The following TLN2 variants were observed in gnomAD, a reference collection of about 807,000 sequenced individuals.
The protein encoded by TLN2 is talin 2, also known as talin-2.
In TLN2, 118 loss-of-function variants were observed where a neutral mutation model predicts 294.7. That is an observed-to-expected ratio of 0.40 (90% CI 0.34 to 0.47). TLN2 has a LOEUF of 0.47. Ranked by LOEUF, TLN2 falls within the 20% of genes least tolerant of loss-of-function variation. The pLI is 0.84. For synonymous variants in TLN2, 1,431 were observed against 1,304.5 expected (o/e 1.10, Z -2.09); for missense variants, 3,083 against 3,282.2 (o/e 0.94, Z 1.48).
At chr15:62,459,995 T>A (rs1270693970) in intron 1 of TLN2, among the ~76,000 whole-genome samples, 4 of 152,192 alleles carry the variant, frequency 2.6e-5, no homozygotes, top group Non-Finnish European at 5.9e-5. Flanking sequence ...TTACTCCCCC[T>A]CTCTGATGTG....
At chr15:62,522,350 T>G (rs1243035567) in intron 1 of TLN2, among the ~76,000 whole-genome samples, 3 of 148,046 alleles carry the variant, frequency 2.0e-5, no homozygotes, top group African/African-American at 8.0e-5. Flanking sequence ...TTTGACAAAC[T>G]GTACAGTTCG....
At chr15:62,614,125 T>C (rs1057083438) in intron 2 of TLN2, among the ~76,000 whole-genome samples, 2 of 152,208 alleles carry the variant, frequency 1.3e-5, no homozygotes, top group African/African-American at 4.8e-5. Context: ...GTATATAAAT[T>C]ATGACTCAAA....
intron 1 of TLN2, among the ~76,000 whole-genome samples, chr15:62,554,783 T>C (rs755666787): frequency 2.6e-5 from 4 of 152,102 alleles, no homozygotes; most frequent in Non-Finnish European, 5.9e-5. Flanking sequence ...AGCCATAGGA[T>C]TCTATTTTCC....
chr15:62,810,815 A>C (rs2066631802), intron 52 of TLN2, among the ~76,000 whole-genome samples: 1 of 152,174 alleles, frequency 6.6e-6, no homozygotes, highest in Non-Finnish European at 1.5e-5. Context: ...CCCCCAGAAG[A>C]GCGTTGATGA....
rs571973719 is a variant in TLN2, at chr15:62,668,691, G to T, written c.789-5136G>T. On this transcript the variant is annotated intron_variant, in intron 9 of 58. Transcript: ENST00000636159. The stretch of plus-strand genomic sequence containing the variant: ...CTGTGACCCTGGGCAACTTAGCATC[G>T]CTGAGCCTCAGAGTCAGTGTGTAGA... Among the ~76,000 whole-genome samples the T allele has an allele frequency of 2.0e-5, 3 of 152,306 alleles. No individual in the cohort carries two copies. The South Asian group carries it at 6.2e-4, about 32-fold the overall frequency.
intron 1 of TLN2, among the ~76,000 whole-genome samples, chr15:62,497,741 A>G (rs940340025): frequency 2.0e-5 from 3 of 152,190 alleles, no homozygotes; most frequent in African/African-American, 7.2e-5. Context: ...TAAGCAATTC[A>G]TATTTGAGAA....
chr15:62,496,068 T>C lies in TLN2; in HGVS notation c.-237-93619T>C, dbSNP rs2039001470. On this transcript the variant is annotated intron_variant, in intron 1 of 58. Coordinates refer to ENST00000636159, the MANE Select transcript of TLN2 (RefSeq NM_015059.3). ...CACTAGCTTTGGAAGGCAATTGTAGTGGATGGAAAGGGTCAGGGTGGATTC... is the reference window on the plus strand; with the variant it reads ...CACTAGCTTTGGAAGGCAATTGTAGCGGATGGAAAGGGTCAGGGTGGATTC... Among the ~76,000 whole-genome samples, 5 of 152,150 alleles carry C rather than the reference T, an allele frequency of 3.3e-5. No homozygotes were observed. In the South Asian group the frequency reaches 1.0e-3, roughly 32 times the overall value.
intron 32 of TLN2, 93 bp downstream of exon 32, chr15:62,740,862 A>C (rs1168970478): frequency 1.4e-5 from 21 of 1,543,692 alleles, no homozygotes; most frequent in Non-Finnish European, 1.7e-5. Context: ...TTTGCTGAGC[A>C]AAAGAATTGG....
intron 1 of TLN2, among the ~76,000 whole-genome samples, chr15:62,404,526 G>C (rs1595732017): frequency 6.6e-6 from 1 of 152,084 alleles, no homozygotes; most frequent in Non-Finnish European, 1.5e-5. Context: ...CAGACACCCA[G>C]GTTAAAAGAT....
At chr15:62,638,731 C>T (rs1375882796) in intron 3 of TLN2, 1 of 414,666 alleles carries the variant, frequency 2.4e-6, no homozygotes, top group African/African-American at 2.1e-5. Flanking sequence ...CTCCCCACCC[C>T]ATTCATGCAT....
At position 62,701,189 on chromosome 15, in the gene TLN2, G is replaced by A. The variant is rs747382018; in HGVS notation, c.1671G>A (p.Thr557=). ...AAGTTGATGCTATCACGGCCGGAAC[G>A]GCTTCAGTTGTTAACCTCACAGCTG... ...HSQVDAITAG[T]ASVVNLTAGD... Residue 557 remains threonine (T), a synonymous_variant, in exon 17 of 59, where the codon ACG becomes ACA. Transcript: ENST00000636159. 13 of 1,614,078 alleles carry A rather than the reference G, an allele frequency of 8.1e-6. No homozygotes were observed. Among genetic ancestry groups the A allele is most frequent in the East Asian group, 6.7e-5 (3 of 44,880 alleles).
chr15:62,809,697 G>A (rs1037703165), intron 51 of TLN2, among the ~76,000 whole-genome samples: 4 of 152,196 alleles, frequency 2.6e-5, no homozygotes, highest in Non-Finnish European at 4.4e-5. Flanking sequence ...TGTTTCTATC[G>A]TTTGGCCCCA....
At chr15:62,460,381 C>G (rs1406918379) in intron 1 of TLN2, among the ~76,000 whole-genome samples, 1 of 152,056 alleles carries the variant, frequency 6.6e-6, no homozygotes, top group Non-Finnish European at 1.5e-5. Flanking sequence ...TCTCCTGCCT[C>G]AGCCTCCCTA....
intron 1 of TLN2, among the ~76,000 whole-genome samples, chr15:62,481,422 C>G (rs73426662): frequency 0.011 from 1,712 of 152,294 alleles, 29 homozygotes; most frequent in African/African-American, 0.038. Context: ...CAGGTTTCAA[C>G]CCATCACCCA....
chr15:62,562,864 A>G (rs2140603405), intron 1 of TLN2, among the ~76,000 whole-genome samples: 1 of 149,418 alleles, frequency 6.7e-6, no homozygotes. Flanking sequence ...GTTGCTGCAA[A>G]TGCCATTCAT....
At chr15:62,566,142 T>C (rs2043373684) in intron 1 of TLN2, among the ~76,000 whole-genome samples, 1 of 152,108 alleles carries the variant, frequency 6.6e-6, no homozygotes, top group African/African-American at 2.4e-5. Context: ...TAGGTATGCG[T>C]TATATCCCTG....
intron 4 of TLN2, among the ~76,000 whole-genome samples, chr15:62,648,013 G>C (rs192854182): frequency 6.6e-6 from 1 of 152,040 alleles, no homozygotes; most frequent in African/African-American, 2.4e-5. Context: ...CCTTCCCTTT[G>C]TCTTCTCTCA....
chr15:62,551,441 A>T, intron 1 of TLN2, among the ~76,000 whole-genome samples: 1 of 152,070 alleles, frequency 6.6e-6, no homozygotes. Flanking sequence ...GGAGGCCGAG[A>T]CAGGCAGATC....
intron 44 of TLN2, among the ~76,000 whole-genome samples, chr15:62,783,179 A>G (rs2064330739): frequency 1.3e-5 from 2 of 152,238 alleles, no homozygotes; most frequent in Non-Finnish European, 2.9e-5. Flanking sequence ...AATTTACTGC[A>G]AAGCTGTATC....
Sources: gnomAD v4.1 joint callset for allele counts (sites outside exome capture counted in the v4.1 genomes callset) on GRCh38, gnomAD v4.1.1 for gene constraint, MANE v1.5 for transcripts, NCBI Gene and HGNC (gene_info 2026-07-23, HGNC 2026-07-21) for gene names.